Variants in ADCYAP1R1 observed in about 807,000 individuals in gnomAD.
The protein encoded by ADCYAP1R1 is ADCYAP receptor type I, also known as pituitary adenylate cyclase-activating polypeptide type I receptor.
ADCYAP1R1 carries 44 observed loss-of-function variants against 67.6 expected under a neutral mutation model. That is an observed-to-expected ratio of 0.65 (90% CI 0.51 to 0.84). ADCYAP1R1 has a LOEUF of 0.84. Among genes scored for constraint, ADCYAP1R1 ranks in the 40% least tolerant of loss-of-function variants. ADCYAP1R1 has a pLI of 0.00. For missense variants in ADCYAP1R1, 477 were observed against 587.9 expected, an observed-to-expected ratio of 0.81 and a Z score of 1.95; for synonymous variants, 222 against 219.6, an observed-to-expected ratio of 1.01 and a Z score of -0.10.
intron 1 of ADCYAP1R1, among the ~76,000 whole-genome samples, chr7:31,060,021 G>A (rs1202532772): frequency 6.6e-6 from 1 of 152,014 alleles, no homozygotes; most frequent in African/African-American, 2.4e-5. Context: ...GCACCCTATT[G>A]AGAGTGCCCC....
chr7:31,075,275 G>T (rs1010786191), intron 3 of ADCYAP1R1, among the ~76,000 whole-genome samples: 2 of 152,158 alleles, frequency 1.3e-5, no homozygotes, highest in African/African-American at 4.8e-5. Context: ...GAATGAGCCT[G>T]GCTCTATTCT....
chr7:31,068,771 C>T (rs1397931923), intron 3 of ADCYAP1R1, among the ~76,000 whole-genome samples: 1 of 152,108 alleles, frequency 6.6e-6, no homozygotes, highest in Non-Finnish European at 1.5e-5. Flanking sequence ...AAGAGCTTGC[C>T]CTGCAGGCTG....
chr7:31,052,445 G>A lies in ADCYAP1R1; in HGVS notation c.-305G>A, dbSNP rs565536136. The stretch of plus-strand genomic sequence containing the variant: ...CGGCCCCGGGCAGGGAGTGACGGCG[G>A]CGGCGGCGGCTCCGGGCGAGCGTGG... On this transcript the variant is annotated 5_prime_UTR_variant, in exon 1 of 16. Transcript: ENST00000304166. 7.4e-3 allele frequency: 1,114 copies of A among 149,812 alleles called. 2 individuals are homozygous for A. Among genetic ancestry groups the A allele is most frequent in the Middle Eastern group, 0.026 (7 of 272 alleles). The allele number at this position is 149,812 out of a possible 1,614,324, so 9.3% of individuals were successfully genotyped here.
chr7:31,078,924 G>A lies in ADCYAP1R1; in HGVS notation c.265+826G>A, dbSNP rs187046340. Among the ~76,000 whole-genome samples the A allele has an allele frequency of 3.7e-4, 57 of 152,278 alleles. 2 individuals carry two copies. Among genetic ancestry groups the A allele is most frequent in the Middle Eastern group, 6.8e-3 (2 of 294 alleles). ...GTGGGTGCGGTGTCCTGCAGACCTG[G>A]GTTTGGGGCATATCTGTGTTTGAGG... is the stretch of plus-strand genomic sequence containing the variant. On this transcript the variant is annotated intron_variant, in intron 4 of 15. Coordinates refer to ENST00000304166, the MANE Select transcript of ADCYAP1R1 (RefSeq NM_001118.5).
intron 11 of ADCYAP1R1, 95 bp from the exon 12 acceptor site, chr7:31,087,532 A>G: frequency 9.2e-7 from 1 of 1,089,612 alleles, no homozygotes. Flanking sequence ...CGGTGGTGAA[A>G]GTGTCGGGCA....
intron 13 of ADCYAP1R1, among the ~76,000 whole-genome samples, chr7:31,094,630 A>C (rs1472470553): frequency 6.6e-6 from 1 of 152,020 alleles, no homozygotes; most frequent in Non-Finnish European, 1.5e-5. Flanking sequence ...CTGAACCCTG[A>C]ACATACTTTG....
At chr7:31,075,146 T>G (rs1245093341) in intron 3 of ADCYAP1R1, among the ~76,000 whole-genome samples, 1 of 152,084 alleles carries the variant, frequency 6.6e-6, no homozygotes, top group Non-Finnish European at 1.5e-5. Context: ...CCAGGCCATC[T>G]CACCTTGCAG....
intron 3 of ADCYAP1R1, among the ~76,000 whole-genome samples, chr7:31,075,147 C>T (rs1345916136): frequency 6.6e-6 from 1 of 152,172 alleles, no homozygotes; most frequent in Non-Finnish European, 1.5e-5. Flanking sequence ...CAGGCCATCT[C>T]ACCTTGCAGG....
rs1796669854 is a variant in ADCYAP1R1 at position 31,106,839 on chromosome 7, G to C, written c.*155G>C. 1.1e-5 allele frequency: 10 copies of C among 927,422 alleles called. No homozygotes were observed. The highest frequency in any genetic ancestry group is 1.6e-5 in the Non-Finnish European group (10 of 638,894). 57.4% of individuals were successfully genotyped at this position (927,422 alleles called of 1,614,324 possible). The stretch of plus-strand genomic sequence containing the variant: ...GGGAGAAGGAGGCAGGGCACAGACT[G>C]GAATTGTCCCCTCCTTGTTTTGGTA... On this transcript the variant is annotated 3_prime_UTR_variant, in exon 16 of 16. Coordinates refer to ENST00000304166, the MANE Select transcript of ADCYAP1R1 (RefSeq NM_001118.5).
At position 31,102,791 on chromosome 7, in the gene ADCYAP1R1, A is replaced by G. The variant is rs1460004469; in HGVS notation, c.1047-446A>G. Reference sequence around the variant, plus strand: ...GTGTCCCGGCTAGCCCCAGGCTCCAAAAAGCCAACTGTCTCTGTGGCCCAT... The same window carrying G: ...GTGTCCCGGCTAGCCCCAGGCTCCAGAAAGCCAACTGTCTCTGTGGCCCAT... On this transcript the variant is annotated intron_variant, in intron 13 of 15. Coordinates refer to ENST00000304166, the MANE Select transcript of ADCYAP1R1 (RefSeq NM_001118.5). This position sits in a 1 kb window ranked among gnomAD's most constrained non-coding sequence, Gnocchi z 4.3. 2.6e-5 allele frequency among the ~76,000 whole-genome samples: 4 copies of G among 152,024 alleles called. No homozygotes were observed. The highest frequency in any genetic ancestry group is 5.9e-5 in the Non-Finnish European group (4 of 67,988).
intron 13 of ADCYAP1R1, among the ~76,000 whole-genome samples, chr7:31,101,728 T>C (rs957993717): frequency 2.0e-5 from 3 of 152,222 alleles, no homozygotes; most frequent in African/African-American, 7.2e-5. Context: ...CACATGGATT[T>C]CTTCATGGAA....
At chr7:31,082,771 G>A (rs921405707) in intron 6 of ADCYAP1R1, among the ~76,000 whole-genome samples, 3 of 152,226 alleles carry the variant, frequency 2.0e-5, no homozygotes, top group African/African-American at 7.2e-5. Context: ...TTCCCCCTTA[G>A]CCTGTGCCGT....
rs1462237989 is a variant in ADCYAP1R1, at chr7:31,103,338, T to C, written c.1148T>C (p.Val383Ala). ...AATGTCAGCAAAAGGGAAAGACTCG[T>C]GTTTGAGCTGGGGCTGGGCTCCTTC... ...PENVSKRERL[V>A]FELGLGSFQG... is the part of the protein sequence containing the mutation. Residue 383 changes from valine (V) to alanine (A), a missense_variant, in exon 14 of 16, where the codon GTG becomes GCG. Coordinates refer to ENST00000304166, the MANE Select transcript of ADCYAP1R1 (RefSeq NM_001118.5). The C allele has an allele frequency of 6.2e-7, 1 of 1,614,066 alleles. No homozygotes were observed. Among genetic ancestry groups the C allele is most frequent in the African/African-American group, 1.3e-5 (1 of 74,932 alleles).
intron 2 of ADCYAP1R1, among the ~76,000 whole-genome samples, chr7:31,064,104 A>G (rs769868018): frequency 1.3e-5 from 2 of 152,346 alleles, no homozygotes; most frequent in East Asian, 1.9e-4. Context: ...CATATCTGCT[A>G]TTAACCAGTG....
chr7:31,104,858 C>T lies in ADCYAP1R1; in HGVS notation c.1177-10C>T. ...GCTAGCATCCTCAGGCTTATTTTCT[C>T]TATTCCCAGGGCTTTGTGGTGGCTG... On this transcript the variant is annotated splice_polypyrimidine_tract_variant and intron_variant, in intron 14 of 15. Transcript: ENST00000304166. 3.7e-6 allele frequency: 6 copies of T among 1,614,154 alleles called. No individual in the cohort carries two copies. The highest frequency in any genetic ancestry group is 3.4e-6 in the Non-Finnish European group (4 of 1,179,998).
At chr7:31,057,174 C>G (rs1418200750) in intron 1 of ADCYAP1R1, 1 of 152,490 alleles carries the variant, frequency 6.6e-6, no homozygotes, top group African/African-American at 2.4e-5. Flanking sequence ...TCCTTCCTCC[C>G]CTCCCTCCTC....
intron 2 of ADCYAP1R1, 134 bp downstream of exon 2, chr7:31,063,449 C>A: frequency 1.1e-6 from 1 of 883,738 alleles, no homozygotes. Flanking sequence ...ACCACTGGGC[C>A]ACCCAGTGCC....
Position 31,064,901 on chromosome 7 carries a change from C to T in ADCYAP1R1, c.122C>T (p.Ala41Val). The T allele has an allele frequency of 1.2e-6, 2 of 1,612,200 alleles. No homozygotes were observed. The highest frequency in any genetic ancestry group is 1.1e-5 in the South Asian group (1 of 90,364). ...ATGTGCCTGGAGAAGATCCAGAGGG[C>T]CAATGAGCTGATGGGCTTCAATGAT... ...QAMCLEKIQR[A>V]NELMGFNDSS... Residue 41 changes from alanine (A) to valine (V), a missense_variant, in exon 3 of 16, where the codon GCC becomes GTC. Coordinates refer to ENST00000304166, the MANE Select transcript of ADCYAP1R1 (RefSeq NM_001118.5).
intron 3 of ADCYAP1R1, among the ~76,000 whole-genome samples, chr7:31,072,163 A>G (rs1194867145): frequency 6.6e-6 from 1 of 152,198 alleles, no homozygotes; most frequent in East Asian, 1.9e-4. Flanking sequence ...TTAGCACAGT[A>G]ACATTTCTTG....
Sources: gnomAD v4.1 joint callset for allele counts (sites outside exome capture counted in the v4.1 genomes callset) on GRCh38, gnomAD v4.1.1 for gene constraint, Gnocchi (gnomAD v3.1) non-coding constraint, MANE v1.5 for transcripts, NCBI Gene and HGNC (gene_info 2026-07-23, HGNC 2026-07-21) for gene names.